PCLO: variants seen among roughly 807,000 people sequenced by gnomAD.
PCLO encodes the protein protein piccolo.
A neutral mutation model predicts 427.5 loss-of-function variants in PCLO; 82 were observed. The observed-to-expected ratio is 0.19, with a 90% confidence interval of 0.16 to 0.23. The LOEUF (loss-of-function observed/expected upper bound fraction) is 0.23. Among genes scored for constraint, PCLO ranks in the 10% least tolerant of loss-of-function variants. PCLO has a pLI of 1.00. For missense variants in PCLO, 6,239 were observed against 6,115.9 expected (o/e 1.02, Z -0.67); for synonymous variants, 2,357 against 2,155.4 (o/e 1.09, Z -2.59).
intron 6 of PCLO, among the ~76,000 whole-genome samples, chr7:82,944,137 TAAAAAAAAAAAAAA>T (rs71096608): frequency 2.9e-5 from 1 of 33,914 alleles, no homozygotes; most frequent in African/African-American, 1.3e-4. Context: ...CAAGAATCCA[TAAAAAAAAAAAAAA>T]AAAAAAAAAA....
At chr7:82,898,641 G>C (rs570216218) in intron 9 of PCLO, among the ~76,000 whole-genome samples, 53 of 151,262 alleles carry the variant, frequency 3.5e-4, no homozygotes, top group African/African-American at 1.1e-3. Context: ...TTAAATCTTT[G>C]TCTTGTCTCA....
intron 9 of PCLO, among the ~76,000 whole-genome samples, chr7:82,896,749 G>A (rs1252103783): frequency 1.3e-5 from 2 of 151,484 alleles, no homozygotes; most frequent in Admixed American, 1.3e-4. Flanking sequence ...GTTCTAATTT[G>A]TCTCTGTTTC....
intron 3 of PCLO, among the ~76,000 whole-genome samples, chr7:83,045,726 G>A (rs1789088549): frequency 6.6e-6 from 1 of 152,046 alleles, no homozygotes; most frequent in African/African-American, 2.4e-5. Flanking sequence ...AGAAAAATGA[G>A]GATGATCTAG....
intron 3 of PCLO, among the ~76,000 whole-genome samples, chr7:83,041,010 C>T (rs1336225348): frequency 6.6e-6 from 1 of 152,078 alleles, no homozygotes; most frequent in Non-Finnish European, 1.5e-5. Context: ...GGAAATTTAA[C>T]TTCTATGAAA....
chr7:82,924,884 C>T (rs944499113), intron 6 of PCLO, among the ~76,000 whole-genome samples: 11 of 152,104 alleles, frequency 7.2e-5, no homozygotes, highest in African/African-American at 2.6e-4. Context: ...TTTTAATGCA[C>T]AACAGACATT....
chr7:83,063,932 A>T (rs1789601147), intron 3 of PCLO, among the ~76,000 whole-genome samples: 1 of 152,058 alleles, frequency 6.6e-6, no homozygotes, highest in Non-Finnish European at 1.5e-5. Context: ...ATATTTGATT[A>T]TTTTATTATA....
intron 2 of PCLO, among the ~76,000 whole-genome samples, chr7:83,148,833 C>T (rs1477073012): frequency 6.6e-6 from 1 of 152,126 alleles, no homozygotes; most frequent in African/African-American, 2.4e-5. Context: ...AGGTAATCAA[C>T]AGTTTTTTGT....
chr7:82,942,768 A>G (rs1454869760), intron 6 of PCLO, among the ~76,000 whole-genome samples: 1 of 152,120 alleles, frequency 6.6e-6, no homozygotes, highest in African/African-American at 2.4e-5. Flanking sequence ...TATTTTAATC[A>G]AGAAGAAATA....
At chr7:82,888,749 C>A (rs1302507634) in intron 9 of PCLO, among the ~76,000 whole-genome samples, 1 of 152,062 alleles carries the variant, frequency 6.6e-6, no homozygotes, top group Non-Finnish European at 1.5e-5. Context: ...ATACTCTGGT[C>A]CCTTTTATGT....
intron 3 of PCLO, among the ~76,000 whole-genome samples, chr7:83,097,561 T>TTA (rs1227051527): frequency 2.1e-5 from 3 of 146,336 alleles, no homozygotes; most frequent in Non-Finnish European, 3.0e-5. Flanking sequence ...AATACATATA[T>TTA]TATATATATA....
In PCLO at chr7:82,782,828, T is replaced by A. The variant is rs554592958; in HGVS notation, c.15007+18690A>T. 1.1e-4 allele frequency among the ~76,000 whole-genome samples: 16 copies of A among 152,320 alleles called. No individual in the cohort carries two copies. The South Asian group carries it at 3.1e-3, about 30-fold the overall frequency. ...TATATACAGAGATGCCTTAACACAA[T>A]CTCTTATTTTATCTGTCTAGTATCT... On this transcript the variant is annotated intron_variant, in intron 22 of 24. Coordinates refer to ENST00000333891, the MANE Select transcript of PCLO (RefSeq NM_033026.6).
At chr7:82,890,633 A>G (rs1376250353) in intron 9 of PCLO, among the ~76,000 whole-genome samples, 1 of 151,776 alleles carries the variant, frequency 6.6e-6, no homozygotes, top group Non-Finnish European at 1.5e-5. Context: ...AGAAGATGAG[A>G]ATTTTGTTGT....
At chr7:82,864,282 G>C (rs2115935501) in intron 10 of PCLO, among the ~76,000 whole-genome samples, 1 of 152,144 alleles carries the variant, frequency 6.6e-6, no homozygotes, top group African/African-American at 2.4e-5. Context: ...TAAATTCTGG[G>C]CCACTTATAT....
chr7:82,931,789 A>G (rs1213082580), intron 6 of PCLO, among the ~76,000 whole-genome samples: 3 of 152,122 alleles, frequency 2.0e-5, no homozygotes, highest in East Asian at 3.9e-4. Flanking sequence ...CATTTATTTC[A>G]TATTCTACTC....
intron 8 of PCLO, among the ~76,000 whole-genome samples, chr7:82,904,925 A>G (rs1382560356): frequency 6.6e-6 from 1 of 152,098 alleles, no homozygotes; most frequent in African/African-American, 2.4e-5. Context: ...CAAAGCTGCC[A>G]TAATTATGAT....
chr7:83,093,492 A>ATATATATATTTTTTTT, intron 3 of PCLO, among the ~76,000 whole-genome samples: 3 of 59,318 alleles, frequency 5.1e-5, no homozygotes, highest in African/African-American at 1.6e-4. Flanking sequence ...ATATATATAT[A>ATATATATATTTTTTTT]TTTTTTTTTT....
At chr7:82,767,336 T>C (rs1790553194) in intron 22 of PCLO, among the ~76,000 whole-genome samples, 1 of 152,240 alleles carries the variant, frequency 6.6e-6, no homozygotes, top group East Asian at 1.9e-4. Context: ...TATCCTATAA[T>C]GTGGCACAAA....
chr7:82,880,703 G>A (rs1348077403), intron 9 of PCLO, among the ~76,000 whole-genome samples: 1 of 152,136 alleles, frequency 6.6e-6, no homozygotes, highest in Non-Finnish European at 1.5e-5. Context: ...TATCTTCCTA[G>A]GATTTTCCAG....
In PCLO at chr7:82,916,725, G is replaced by A. The variant is rs1794476138; in HGVS notation, c.11261C>T (p.Thr3754Ile). 3.1e-6 allele frequency: 5 copies of A among 1,613,474 alleles called. No individual in the cohort carries two copies. The highest frequency in any genetic ancestry group is 3.3e-4 in the Middle Eastern group (2 of 6,082). Residue 3754 changes from threonine to isoleucine, a missense_variant, in exon 7 of 25, where the codon ACC (threonine) becomes ATC (isoleucine). Thr to Ile is a moderately conservative substitution (Grantham distance 89, BLOSUM62 -1). Transcript: ENST00000333891. The part of the protein sequence containing the change: ...GTVSRRRICR[T>I]NTMARAKILQ... The stretch of plus-strand genomic sequence containing the variant: ...AATCTTGGCTCGTGCCATTGTGTTG[G>A]TTCTGCAGATCCTTCTCCTGGAAAC...
Sources: allele counts gnomAD v4.1 joint callset (sites outside exome capture counted in the v4.1 genomes callset), GRCh38; gene constraint gnomAD v4.1.1; transcripts MANE v1.5; gene names NCBI Gene and HGNC (gene_info 2026-07-23, HGNC 2026-07-21).